ATAD2B: variants seen among roughly 807,000 people sequenced by gnomAD.
ATAD2B encodes ATPase family AAA domain containing 2B.
In ATAD2B, 40 loss-of-function variants were observed where a neutral mutation model predicts 167.6. The observed-to-expected ratio is 0.24, with a 90% confidence interval of 0.19 to 0.31. The LOEUF (loss-of-function observed/expected upper bound fraction) is 0.31, where lower values mean the gene tolerates loss of function less well. Ranked by LOEUF, ATAD2B falls within the 10% of genes least tolerant of loss-of-function variation. ATAD2B has a pLI of 1.00. For synonymous variants in ATAD2B, 579 were observed against 596.5 expected (o/e 0.97, Z 0.43); for missense variants, 1,242 against 1,757.2 (o/e 0.71, Z 5.24).
intron 15 of ATAD2B, among the ~76,000 whole-genome samples, chr2:23,824,110 G>A (rs78666697): frequency 0.026 from 3,974 of 152,022 alleles, 174 homozygotes; most frequent in African/African-American, 0.091. Context: ...CACCACACTC[G>A]TATAATTTTT....
chr2:23,727,246 T>C, the ATAD2B span, among the ~76,000 whole-genome samples: 734 of 152,176 alleles, frequency 4.8e-3, 5 homozygotes, highest in Middle Eastern at 0.014. Context: ...TCAACAAGCG[T>C]CACAATTTAA....
At position 23,895,805 on chromosome 2, in the gene ATAD2B, T is replaced by C; in HGVS notation, c.368+14A>G. ...AATTTAAGAAAAAACAATCAATGAG[T>C]TCTCCTTTCTCACCTGGCCTGTCCA... On this transcript the variant is annotated intron_variant, in intron 2 of 27. Transcript: ENST00000238789. The C allele has an allele frequency of 6.3e-7, 1 of 1,579,536 alleles. No individual in the cohort carries two copies. The highest frequency in any genetic ancestry group is 2.3e-5 in the East Asian group (1 of 43,312).
At chr2:23,906,137 G>C (rs1214525034) in intron 1 of ATAD2B, among the ~76,000 whole-genome samples, 1 of 152,042 alleles carries the variant, frequency 6.6e-6, no homozygotes, top group Non-Finnish European at 1.5e-5. Context: ...AGGAGTTCAA[G>C]ACTAGCCTCG....
In ATAD2B at chr2:23,926,899, G is replaced by A. The variant is rs1317126319; in HGVS notation, c.-129C>T. The A allele has an allele frequency of 2.7e-6, 3 of 1,124,466 alleles. No individual in the cohort carries two copies. The highest frequency in any genetic ancestry group is 1.7e-5 in the African/African-American group (1 of 60,202). The allele number at this position is 1,124,466 out of a possible 1,614,324, so 69.7% of individuals were successfully genotyped here. On this transcript the variant is annotated 5_prime_UTR_variant, in exon 1 of 28. Transcript: ENST00000238789. The stretch of plus-strand genomic sequence containing the variant: ...GAGACGAGCCGGCCCGGAGCGTGCG[G>A]AGCGCAGACGAGCACAAGAGAGAGC...
intron 20 of ATAD2B, 40 bp downstream of exon 20, chr2:23,788,472 T>C: frequency 6.3e-7 from 1 of 1,599,782 alleles, no homozygotes; most frequent in Non-Finnish European, 8.5e-7. Context: ...ATTTCTTAAC[T>C]CCATCCCTCC....
chr2:23,755,556 A>G (rs1675853764), intron 25 of ATAD2B, among the ~76,000 whole-genome samples: 1 of 152,142 alleles, frequency 6.6e-6, no homozygotes, highest in South Asian at 2.1e-4. Context: ...AGTGAGGGGA[A>G]GGAACACAAA....
At chr2:23,866,003 C>A in intron 10 of ATAD2B, 1 of 823,764 alleles carries the variant, frequency 1.2e-6, no homozygotes, top group Non-Finnish European at 1.5e-6. Context: ...GAAAGTATTA[C>A]TATGATAGAA....
At chr2:23,878,204 T>C (rs997303749) in intron 7 of ATAD2B, among the ~76,000 whole-genome samples, 10 of 151,124 alleles carry the variant, frequency 6.6e-5, no homozygotes, top group Admixed American at 2.6e-4. Context: ...CTACTAAAAA[T>C]ACAAAAATTA....
intron 1 of ATAD2B, among the ~76,000 whole-genome samples, chr2:23,925,074 A>G (rs1277444314): frequency 6.6e-6 from 1 of 152,244 alleles, no homozygotes; most frequent in Non-Finnish European, 1.5e-5. Flanking sequence ...TACAGAAAAG[A>G]TCTTTTCTTA....
intron 21 of ATAD2B, among the ~76,000 whole-genome samples, chr2:23,785,195 T>C (rs1381911385): frequency 3.9e-5 from 6 of 151,994 alleles, no homozygotes; most frequent in African/African-American, 1.4e-4. Flanking sequence ...AAGCACAGAT[T>C]TCACAATTAG....
chr2:23,786,042 C>A lies in ATAD2B; in HGVS notation c.2958G>T (p.Pro986=). The A allele has an allele frequency of 3.1e-6, 5 of 1,611,400 alleles. No individual in the cohort carries two copies. In the South Asian group the frequency reaches 5.5e-5, roughly 18 times the overall value. Residue 986 remains proline, a synonymous_variant, in exon 21 of 28, where the codon CCG becomes CCT. Coordinates refer to ENST00000238789, the MANE Select transcript of ATAD2B (RefSeq NM_017552.4). ...TDKRFNIFSK[P]VDIEEVSDYL... ...GAAACAAGACCTCTTCAATATCCAC[C>A]GGTTTGCTGAAGATGTTAAAGCGTT...
chr2:23,793,968 A>G (rs2149442529), intron 19 of ATAD2B, among the ~76,000 whole-genome samples: 1 of 152,350 alleles, frequency 6.6e-6, no homozygotes, highest in South Asian at 2.1e-4. Flanking sequence ...AAAATATAGA[A>G]AGAACATAAA....
At position 23,754,290 on chromosome 2, in the gene ATAD2B, C is replaced by T. The variant is rs1203491375; in HGVS notation, c.4224G>A (p.Leu1408=). ...CTGCCAGATTGTTGCTTTTATCCAC[C>T]AACAAATCAAGCAATTTCTAAGAAA... ...RERLKKLLDL[L]VDKSNNLAVD... Residue 1408 remains leucine, a synonymous_variant, in exon 27 of 28, where the codon TTG becomes TTA. Transcript: ENST00000238789. 2.6e-6 allele frequency: 4 copies of T among 1,552,938 alleles called. No homozygotes were observed. Among genetic ancestry groups the T allele is most frequent in the Non-Finnish European group, 2.6e-6 (3 of 1,151,570 alleles).
intron 1 of ATAD2B, among the ~76,000 whole-genome samples, chr2:23,910,173 CTTTTTT>C (rs756806271): frequency 2.8e-5 from 3 of 106,898 alleles, no homozygotes; most frequent in African/African-American, 1.1e-4. Flanking sequence ...CTTGCATACT[CTTTTTT>C]TTTTTTTTTT....
Position 23,798,290 on chromosome 2 carries a change from T to C in ATAD2B, c.2488A>G (p.Ile830Val), listed in dbSNP as rs1682914053. Reference sequence around the variant, plus strand: ...TCCCCAATGTGAGGCATGTAAACAATACTAGGTACTGTTCTTCGAGCTTCA... The same window carrying C: ...TCCCCAATGTGAGGCATGTAAACAACACTAGGTACTGTTCTTCGAGCTTCA... Reference protein sequence around the residue: ...FREARRTVPSIVYMPHIGDWW... With the variant: ...FREARRTVPSVVYMPHIGDWW... Residue 830 changes from isoleucine (I) to valine (V), a missense_variant, in exon 19 of 28, where the codon ATT becomes GTT. Around this residue, in one of 9 missense-constraint regions of ATAD2B, gnomAD observed 34 missense variants for 101.1 expected, o/e 0.34. Coordinates refer to ENST00000238789, the MANE Select transcript of ATAD2B (RefSeq NM_017552.4). 4 of 1,607,488 alleles carry C rather than the reference T, an allele frequency of 2.5e-6. No individual in the cohort carries two copies. Among genetic ancestry groups the C allele is most frequent in the Non-Finnish European group, 1.7e-6 (2 of 1,176,814 alleles).
the ATAD2B span, among the ~76,000 whole-genome samples, chr2:23,728,566 A>G: frequency 6.6e-6 from 1 of 152,272 alleles, no homozygotes; most frequent in South Asian, 2.1e-4. Flanking sequence ...GTTTCAAAGA[A>G]TAACATAATC....
At chr2:23,922,024 G>A (rs952237938) in intron 1 of ATAD2B, among the ~76,000 whole-genome samples, 8 of 152,066 alleles carry the variant, frequency 5.3e-5, no homozygotes, top group African/African-American at 1.9e-4. Flanking sequence ...GTATACTAAA[G>A]AAGGACCTAG....
intron 24 of ATAD2B, among the ~76,000 whole-genome samples, chr2:23,759,659 C>T (rs1448440611): frequency 6.6e-6 from 1 of 152,120 alleles, no homozygotes; most frequent in Admixed American, 6.5e-5. Context: ...ATGTATTTTT[C>T]CTTCAAAACT....
intron 7 of ATAD2B, among the ~76,000 whole-genome samples, chr2:23,878,011 A>C (rs1697212881): frequency 1.9e-5 from 1 of 52,152 alleles, no homozygotes; most frequent in Non-Finnish European, 4.1e-5. Context: ...CCCTATCTCC[A>C]AAGAAAAAAA....
Sources: gnomAD v4.1 joint callset for allele counts (sites outside exome capture counted in the v4.1 genomes callset) on GRCh38, gnomAD v4.1.1 for gene constraint, gnomAD v4.1.1 regional missense constraint, MANE v1.5 for transcripts, NCBI Gene and HGNC (gene_info 2026-07-23, HGNC 2026-07-21) for gene names.